GDPD5: variants seen among roughly 807,000 people sequenced by gnomAD.
GDPD5 encodes glycerophosphodiester phosphodiesterase domain containing 5.
A neutral mutation model predicts 75.1 loss-of-function variants in GDPD5; 48 were observed. The ratio of observed to expected loss-of-function variants is 0.64; its 90% CI spans 0.51 to 0.81. The LOEUF (loss-of-function observed/expected upper bound fraction) is 0.81. Among genes scored for constraint, GDPD5 ranks in the 40% least tolerant of loss-of-function variants. GDPD5 has a pLI of 0.00. For missense variants in GDPD5, 706 were observed against 822.6 expected (o/e 0.86, Z 1.73); for synonymous variants, 336 against 339.0 (o/e 0.99, Z 0.10).
rs941604022 is a variant in GDPD5, at chr11:75,442,565, G to A, written c.965C>T (p.Thr322Ile). ...QWFLKTDPFWTASSLSPSDHR... is the reference protein window; with the variant it reads ...QWFLKTDPFWIASSLSPSDHR... ...GTCGGAGGGTGACAGGGAGCTGGCT[G>A]TCCAGAAGGGGTCAGTCTGGCAGGG... The change falls in exon 12 of 17, where the codon ACA becomes ATA. Residue 322 changes from threonine to isoleucine, a missense_variant. Physicochemically the swap from Thr to Ile is moderately conservative, Grantham distance 89. Transcript: ENST00000336898. 11 of 1,614,000 alleles carry A rather than the reference G, an allele frequency of 6.8e-6. No homozygotes were observed. In the African/African-American group the frequency reaches 1.3e-4, roughly 20 times the overall value.
intron 2 of GDPD5, among the ~76,000 whole-genome samples, chr11:75,486,862 G>A (rs1207220523): frequency 6.6e-6 from 1 of 152,202 alleles, no homozygotes; most frequent in Admixed American, 6.5e-5. Context: ...AGCACAAAGG[G>A]GAGAAGGAAG....
intron 3 of GDPD5, among the ~76,000 whole-genome samples, chr11:75,467,511 C>T (rs1187489950): frequency 1.3e-5 from 2 of 152,160 alleles, no homozygotes; most frequent in South Asian, 4.1e-4. Context: ...GTGGGCAGGG[C>T]CATCGTGCAA....
intron 9 of GDPD5, among the ~76,000 whole-genome samples, chr11:75,446,194 C>T (rs774115919): frequency 5.9e-5 from 9 of 152,202 alleles, no homozygotes; most frequent in East Asian, 1.9e-4. Flanking sequence ...GAAGGGGTTG[C>T]GAAGACCCTC....
At chr11:75,456,370 C>T (rs1477865189) in intron 6 of GDPD5, among the ~76,000 whole-genome samples, 2 of 152,158 alleles carry the variant, frequency 1.3e-5, no homozygotes, top group Admixed American at 6.5e-5. Flanking sequence ...GCAGGTGAGA[C>T]CCGAGGCAGG....
intron 4 of GDPD5, among the ~76,000 whole-genome samples, chr11:75,458,100 A>G (rs973827551): frequency 2.6e-5 from 4 of 152,216 alleles, no homozygotes; most frequent in African/African-American, 9.7e-5. Context: ...TTGTATAAAC[A>G]GCAAAGCCAG....
At chr11:75,485,785 GTATCA>G (rs1474887805) in intron 2 of GDPD5, 1 of 152,238 alleles carries the variant, frequency 6.6e-6, no homozygotes, top group Non-Finnish European at 1.5e-5. Flanking sequence ...ATTTTGGTTG[GTATCA>G]GGAAAGCATA....
Position 75,446,722 on chromosome 11 carries a change from C to A in GDPD5, c.715-2227G>T, listed in dbSNP as rs149431487. 4.6e-5 allele frequency among the ~76,000 whole-genome samples: 7 copies of A among 152,242 alleles called. No homozygotes were observed. The East Asian group carries it at 1.4e-3, about 29-fold the overall frequency. ...CAGACATGTGGACCCAGAGTCAGAGCCCCCCAAGGCAATGCACAGGGACAC... is the reference window on the plus strand; with the variant it reads ...CAGACATGTGGACCCAGAGTCAGAGACCCCCAAGGCAATGCACAGGGACAC... On this transcript the variant is annotated intron_variant, in intron 9 of 16. Coordinates refer to ENST00000336898, the MANE Select transcript of GDPD5 (RefSeq NM_030792.8).
At chr11:75,500,206 G>C (rs1950281947) in intron 1 of GDPD5, among the ~76,000 whole-genome samples, 1 of 152,010 alleles carries the variant, frequency 6.6e-6, no homozygotes, top group African/African-American at 2.4e-5. Context: ...CTCCTCTTCT[G>C]GCTCCTTCCA....
At chr11:75,450,153 G>A (rs1017831326) in intron 6 of GDPD5, among the ~76,000 whole-genome samples, 170 bp from the exon 7 acceptor site, 2 of 152,166 alleles carry the variant, frequency 1.3e-5, no homozygotes, top group Non-Finnish European at 2.9e-5. Flanking sequence ...ACTAGAGGCC[G>A]GCAGATAGAC....
rs1263100484 is a variant in GDPD5, at chr11:75,441,759, C to T, written c.1212G>A (p.Val404=). The T allele has an allele frequency of 2.5e-6, 4 of 1,611,030 alleles. No homozygotes were observed. Among genetic ancestry groups the T allele is most frequent in the Non-Finnish European group, 1.7e-6 (2 of 1,179,886 alleles). The stretch of plus-strand genomic sequence containing the variant: ...CTGATGTCTGTTGGAAGCCGGGAGC[C>T]ACCTTCCGCACCAGGGGCCTCTGCC... The part of the protein sequence containing the change: ...PSRQRPLVRK[V]APGFQQTSGS... Residue 404 remains valine (V), a synonymous_variant, in exon 13 of 17, where the codon GTG becomes GTA. Coordinates refer to ENST00000336898, the MANE Select transcript of GDPD5 (RefSeq NM_030792.8).
In GDPD5 at chr11:75,448,920, T is replaced by TC. The variant is rs147640219; in HGVS notation, c.714+56dup. 2,619 of 1,501,832 alleles carry TC rather than the reference T, an allele frequency of 1.7e-3. 37 individuals carry two copies. The African/African-American group carries it at 0.035, about 20-fold the overall frequency. 93.0% of individuals were successfully genotyped at this position (1,501,832 alleles called of 1,614,324 possible). A position where few individuals can be genotyped will look rare whatever the true frequency, so the allele number is the denominator to read the frequency against. ...TACATATATCCATTTCCCAAGAAGG[T>TC]CCCCCCCATCGCACCCCACCCCAAC... On this transcript the variant is annotated intron_variant, in intron 9 of 16. Transcript: ENST00000336898.
intron 1 of GDPD5, among the ~76,000 whole-genome samples, chr11:75,522,158 AC>A (rs1314926858): frequency 6.6e-6 from 1 of 151,938 alleles, no homozygotes; most frequent in African/African-American, 2.4e-5. Context: ...ATGATGAGGC[AC>A]CCCCTTGTTG....
At position 75,449,050 on chromosome 11, in the gene GDPD5, G is replaced by A. The variant is rs1238590369; in HGVS notation, c.641C>T (p.Ser214Phe). The change falls in exon 9 of 17, where the codon TCC becomes TTC. Residue 214 changes from serine (S) to phenylalanine (F), a missense_variant. Ser to Phe is a radical substitution (Grantham distance 155, BLOSUM62 -2). Coordinates refer to ENST00000336898, the MANE Select transcript of GDPD5 (RefSeq NM_030792.8). ...TTTCTTCTCCATGATGCAGGGAGAG[G>A]AGATGGTGAGAGGGGCCAGGTAGAG... ...FALYLAPLTI[S>F]SPCIMEKKDL... 9 of 1,608,848 alleles carry A rather than the reference G, an allele frequency of 5.6e-6. No individual in the cohort carries two copies. The South Asian group carries it at 8.9e-5, about 16-fold the overall frequency.
At chr11:75,441,081 GCA>G in intron 14 of GDPD5, 80 bp downstream of exon 14, 1 of 1,417,754 alleles carries the variant, frequency 7.1e-7, no homozygotes, top group Non-Finnish European at 9.9e-7. Context: ...ACAGCTCCAA[GCA>G]CAGAGCTTGC....
At chr11:75,493,012 G>A (rs1025355673) in intron 1 of GDPD5, among the ~76,000 whole-genome samples, 1 of 152,110 alleles carries the variant, frequency 6.6e-6, no homozygotes, top group African/African-American at 2.4e-5. Context: ...TTACAGTTAT[G>A]AGCCACTGCA....
Position 75,448,569 on chromosome 11 carries a change from A to G in GDPD5, c.714+408T>C, listed in dbSNP as rs761179152. 1.7e-5 allele frequency: 17 copies of G among 994,390 alleles called. No individual in the cohort carries two copies. The Admixed American group carries it at 4.3e-4, about 25-fold the overall frequency. The allele number at this position is 994,390 out of a possible 1,614,324, so 61.6% of individuals were successfully genotyped here. On this transcript the variant is annotated intron_variant, in intron 9 of 16. Transcript: ENST00000336898. ...ACTTTGATCCCTTCGTCTTTCTCCA[A>G]CTCACGTCGGTTCAGCCGTACTCAC...
intron 3 of GDPD5, among the ~76,000 whole-genome samples, chr11:75,475,406 G>A (rs1048865469): frequency 6.6e-6 from 1 of 152,178 alleles, no homozygotes; most frequent in Admixed American, 6.5e-5. Flanking sequence ...CAGAGCTTAC[G>A]CAAGACCTCT....
Position 75,446,889 on chromosome 11 carries a change from C to CT in GDPD5, c.714+2087dup, listed in dbSNP as rs886376428. On this transcript the variant is annotated intron_variant, in intron 9 of 16. Transcript: ENST00000336898. ...CTTAAGGGAAAAAAGGGACGGGGAA[C>CT]TTTTTTTTTTTGAGACGGAATTTCA... Among the ~76,000 whole-genome samples the CT allele has an allele frequency of 3.4e-4, 51 of 148,158 alleles. 1 individual carries two copies. The highest frequency in any genetic ancestry group is 3.6e-3 in the Middle Eastern group (1 of 280).
chr11:75,477,987 C>G, intron 2 of GDPD5, 192 bp from the exon 3 acceptor site: 2 of 351,982 alleles, frequency 5.7e-6, no homozygotes, highest in Non-Finnish European at 1.0e-5. Context: ...CCCACCCAGG[C>G]CCTCATCCTC....
Sources: gnomAD v4.1 joint callset for allele counts (sites outside exome capture counted in the v4.1 genomes callset) on GRCh38, gnomAD v4.1.1 for gene constraint, MANE v1.5 for transcripts, NCBI Gene and HGNC (gene_info 2026-07-23, HGNC 2026-07-21) for gene names.